CHSY1: variants seen among roughly 807,000 people sequenced by gnomAD.
CHSY1 encodes the protein N-acetylgalactosaminyl-proteoglycan 3-beta-glucuronosyltransferase 1.
In CHSY1, 13 loss-of-function variants were observed where a neutral mutation model predicts 59.8. That is an observed-to-expected ratio of 0.22 (90% CI 0.14 to 0.35). The LOEUF (loss-of-function observed/expected upper bound fraction) is 0.35. Ranked by LOEUF, CHSY1 falls within the 10% of genes least tolerant of loss-of-function variation. The pLI is 1.00. For missense variants in CHSY1, 947 were observed against 1,030.6 expected, an observed-to-expected ratio of 0.92 and a Z score of 1.11; for synonymous variants, 459 against 401.2, an observed-to-expected ratio of 1.14 and a Z score of -1.72.
chr15:101,218,461 G>A lies in CHSY1; in HGVS notation c.816+16621C>T, dbSNP rs114029453. Among the ~76,000 whole-genome samples the A allele has an allele frequency of 2.5e-3, 382 of 152,234 alleles. 2 individuals carry two copies. The highest frequency in any genetic ancestry group is 8.9e-3 in the African/African-American group (369 of 41,540). On this transcript the variant is annotated intron_variant, in intron 2 of 2. Coordinates refer to ENST00000254190, the MANE Select transcript of CHSY1 (RefSeq NM_014918.5). ...AAAATACAAAAAATTAGCCTGCTGTGGTGGTGTGTGCCTGTATCCCAGCTA... is the reference window on the plus strand; with the variant it reads ...AAAATACAAAAAATTAGCCTGCTGTAGTGGTGTGTGCCTGTATCCCAGCTA...
At position 101,176,791 on chromosome 15, in the gene CHSY1, G is replaced by A. The variant is rs1194662560; in HGVS notation, c.*597C>T. 19 of 178,486 alleles carry A rather than the reference G, an allele frequency of 1.1e-4. No individual in the cohort carries two copies. Among genetic ancestry groups the A allele is most frequent in the East Asian group, 1.4e-4 (1 of 7,100 alleles). 11.1% of individuals were successfully genotyped at this position (178,486 alleles called of 1,614,324 possible). ...AGCCTGGGTAACAGAGTGAGACTCC[G>A]TCTCAAAAAAAGAACAAAACAAAAC... On this transcript the variant is annotated 3_prime_UTR_variant, in exon 3 of 3. Transcript: ENST00000254190.
At position 101,251,561 on chromosome 15, in the gene CHSY1, G is replaced by C. The variant is rs940765012; in HGVS notation, c.-105C>G. On this transcript the variant is annotated 5_prime_UTR_variant, in exon 1 of 3. Coordinates refer to ENST00000254190, the MANE Select transcript of CHSY1 (RefSeq NM_014918.5). ...GCCCGCCCTAGCGCCGCGAGGCCCG[G>C]CCCGGGCAGCGCCGCCGCCGCCGCG... is the stretch of plus-strand genomic sequence containing the variant. 1 of 159,306 alleles carries C rather than the reference G, an allele frequency of 6.3e-6. No individual in the cohort carries two copies. The highest frequency in any genetic ancestry group is 2.5e-5 in the African/African-American group (1 of 39,942). 9.9% of individuals were successfully genotyped at this position (159,306 alleles called of 1,614,324 possible).
At chr15:101,232,734 C>T (rs968693025) in intron 2 of CHSY1, among the ~76,000 whole-genome samples, 2 of 152,216 alleles carry the variant, frequency 1.3e-5, no homozygotes, top group Admixed American at 6.5e-5. Context: ...GAATAAAGCA[C>T]TTCAACAAAA....
chr15:101,218,855 AC>A (rs1400946384), intron 2 of CHSY1, among the ~76,000 whole-genome samples: 2 of 152,246 alleles, frequency 1.3e-5, no homozygotes, highest in Non-Finnish European at 2.9e-5. Flanking sequence ...AAATGTAAGA[AC>A]CAGGAAAATT....
chr15:101,233,631 T>G (rs1264478846), intron 2 of CHSY1, among the ~76,000 whole-genome samples: 1 of 152,158 alleles, frequency 6.6e-6, no homozygotes, highest in African/African-American at 2.4e-5. Flanking sequence ...CTGTCCCCTA[T>G]GTGCTGGGGT....
intron 2 of CHSY1, among the ~76,000 whole-genome samples, chr15:101,181,288 T>C (rs145867312): frequency 6.6e-6 from 1 of 152,208 alleles, no homozygotes; most frequent in Admixed American, 6.5e-5. Flanking sequence ...CTGTCTGCTG[T>C]GAGATAAAAA....
At chr15:101,203,413 G>A (rs11247275) in intron 2 of CHSY1, among the ~76,000 whole-genome samples, 1 of 151,946 alleles carries the variant, frequency 6.6e-6, no homozygotes, top group Non-Finnish European at 1.5e-5. Context: ...TGGAGAAACA[G>A]AATTCTTCTA....
intron 2 of CHSY1, among the ~76,000 whole-genome samples, chr15:101,189,732 A>G (rs894026327): frequency 1.3e-5 from 2 of 152,260 alleles, no homozygotes; most frequent in Admixed American, 6.5e-5. Flanking sequence ...ATTCGACATA[A>G]AGACATTCAA....
chr15:101,224,800 C>T (rs539280937), intron 2 of CHSY1, among the ~76,000 whole-genome samples: 5 of 152,332 alleles, frequency 3.3e-5, no homozygotes, highest in Admixed American at 2.6e-4. Flanking sequence ...AACACTGCCA[C>T]CACCAGATGC....
At chr15:101,206,152 G>A (rs2038624669) in intron 2 of CHSY1, among the ~76,000 whole-genome samples, 1 of 152,122 alleles carries the variant, frequency 6.6e-6, no homozygotes, top group South Asian at 2.1e-4. Context: ...TCCAATCTCT[G>A]TCTGCTCTCC....
At chr15:101,204,469 A>AATAATG (rs1006071824) in intron 2 of CHSY1, among the ~76,000 whole-genome samples, 2 of 142,312 alleles carry the variant, frequency 1.4e-5, no homozygotes, top group African/African-American at 5.4e-5. Context: ...TAATAATAAT[A>AATAATG]ATGTACACTT....
chr15:101,217,875 A>C (rs979036601), intron 2 of CHSY1, among the ~76,000 whole-genome samples: 1 of 152,200 alleles, frequency 6.6e-6, no homozygotes, highest in Admixed American at 6.5e-5. Context: ...CCTTCTCCTG[A>C]AGAGCACAGT....
chr15:101,231,997 A>T (rs1361402530), intron 2 of CHSY1, among the ~76,000 whole-genome samples: 4 of 152,238 alleles, frequency 2.6e-5, no homozygotes, highest in Non-Finnish European at 5.9e-5. Context: ...TGTGAGTTTA[A>T]CATTATTTCC....
At chr15:101,186,140 T>C (rs2038359845) in intron 2 of CHSY1, among the ~76,000 whole-genome samples, 1 of 131,908 alleles carries the variant, frequency 7.6e-6, no homozygotes, top group Non-Finnish European at 1.6e-5. Flanking sequence ...TGAAACCTTG[T>C]CTCTACCAAA....
intron 2 of CHSY1, among the ~76,000 whole-genome samples, chr15:101,212,693 A>T (rs1483309681): frequency 2.0e-5 from 3 of 152,246 alleles, no homozygotes; most frequent in Non-Finnish European, 4.4e-5. Flanking sequence ...CTACATGTGT[A>T]TGCACTTATC....
intron 1 of CHSY1, among the ~76,000 whole-genome samples, chr15:101,241,543 T>C (rs772260383): frequency 2.6e-5 from 4 of 152,198 alleles, no homozygotes; most frequent in African/African-American, 7.2e-5. Flanking sequence ...ACTTTTGTAA[T>C]AAAATTTTTT....
rs111801329 is a variant in CHSY1, at chr15:101,235,428, T to C, written c.470A>G (p.His157Arg). ...KKSFMMLKYM[H>R]DHYLDKYEWF... ...TTCATACTTGTCCAAGTAGTGGTCG[T>C]GCATGTACTTGAGCATCATGAAGGA... Residue 157 changes from histidine (H) to arginine (R), a missense_variant, in exon 2 of 3, where the codon CAC becomes CGC. By Grantham distance (29) the His-to-Arg change is conservative. This residue lies in a region of CHSY1 where 108 missense variants were observed against 144.4 expected (regional missense o/e 0.75). Coordinates refer to ENST00000254190, the MANE Select transcript of CHSY1 (RefSeq NM_014918.5). 6.2e-7 allele frequency: 1 copy of C among 1,614,160 alleles called. No homozygotes were observed. The highest frequency in any genetic ancestry group is 8.5e-7 in the Non-Finnish European group (1 of 1,180,026).
At chr15:101,216,359 G>A (rs1413409485) in intron 2 of CHSY1, among the ~76,000 whole-genome samples, 1 of 152,178 alleles carries the variant, frequency 6.6e-6, no homozygotes, top group Non-Finnish European at 1.5e-5. Context: ...GCTAAACATA[G>A]TCTTATATAC....
At position 101,178,418 on chromosome 15, in the gene CHSY1, C is replaced by T; in HGVS notation, c.1379G>A (p.Gly460Glu). Residue 460 changes from glycine (G) to glutamate (E), a missense_variant, in exon 3 of 3, where the codon GGG becomes GAG. This residue lies in a region of CHSY1 where 602 missense variants were observed against 676.9 expected (regional missense o/e 0.89). Transcript: ENST00000254190. ...DLLLLYKKHKGKKMTVPVRRH... is the reference protein window; with the variant it reads ...DLLLLYKKHKEKKMTVPVRRH... ...CCTCACAGGGACCGTCATTTTCTTC[C>T]CTTTGTGCTTTTTGTACAGAAGCAG... The T allele has an allele frequency of 6.2e-7, 1 of 1,613,790 alleles. No homozygotes were observed. Among genetic ancestry groups the T allele is most frequent in the Non-Finnish European group, 8.5e-7 (1 of 1,179,710 alleles).
Sources: allele counts gnomAD v4.1 joint callset (sites outside exome capture counted in the v4.1 genomes callset), GRCh38; gene constraint gnomAD v4.1.1; regional missense constraint gnomAD v4.1.1; transcripts MANE v1.5; gene names NCBI Gene and HGNC (gene_info 2026-07-23, HGNC 2026-07-21).